Variants in SLX9 observed in about 807,000 individuals in gnomAD.
SLX9 encodes the protein SLX9 ribosome biogenesis factor, also known as ribosome biogenesis protein SLX9 homolog.
SLX9 carries 19 observed loss-of-function variants against 20.8 expected under a neutral mutation model. The observed-to-expected ratio is 0.91, with a 90% CI of 0.64 to 1.34. The LOEUF is 1.34. Among genes scored for constraint, SLX9 ranks in the 40% most tolerant of loss-of-function variants. SLX9 has a pLI of 0.00. For synonymous variants in SLX9, 113 were observed against 137.1 expected (o/e 0.82, Z 1.23); for missense variants, 299 against 322.2 (o/e 0.93, Z 0.55).
intron 4 of SLX9, among the ~76,000 whole-genome samples, chr21:44,968,776 C>T (rs1344543816): frequency 3.6e-5 from 5 of 139,410 alleles, no homozygotes; most frequent in African/African-American, 8.4e-5. Context: ...TTTTTGGAGA[C>T]GGAGCCTTGC....
At chr21:44,970,291 T>C (rs2085119475) in intron 4 of SLX9, among the ~76,000 whole-genome samples, 2 of 152,214 alleles carry the variant, frequency 1.3e-5, no homozygotes, top group Non-Finnish European at 2.9e-5. Context: ...GACAGATGGA[T>C]GTTTAGTTTA....
chr21:44,958,477 A>G (rs61103857), intron 2 of SLX9: 12,120 of 152,346 alleles, frequency 0.08, 1,570 homozygotes, highest in African/African-American at 0.27. Context: ...TCCCCACCAC[A>G]GGGTGGGGTG....
At chr21:44,975,839 C>A (rs547427227) in intron 5 of SLX9, among the ~76,000 whole-genome samples, 2 of 152,400 alleles carry the variant, frequency 1.3e-5, no homozygotes, top group East Asian at 3.9e-4. Context: ...CCCCACTGTC[C>A]TCTGTGGCTC....
intron 2 of SLX9, among the ~76,000 whole-genome samples, chr21:44,953,426 A>C (rs955020914): frequency 3.3e-5 from 5 of 151,072 alleles, no homozygotes; most frequent in South Asian, 2.1e-4. Flanking sequence ...CAGCACAGCC[A>C]CTCCCTCGGG....
At chr21:44,954,241 C>T (rs747216374) in intron 2 of SLX9, among the ~76,000 whole-genome samples, 6 of 152,170 alleles carry the variant, frequency 3.9e-5, no homozygotes, top group Admixed American at 1.3e-4. Flanking sequence ...ATGACACTTG[C>T]AAGGCCAGAT....
chr21:44,950,236 CA>C (rs573708011), intron 2 of SLX9, among the ~76,000 whole-genome samples: 13,605 of 144,046 alleles, frequency 0.094, 1,942 homozygotes, highest in African/African-American at 0.31. Context: ...TCCAGTATCT[CA>C]AAAAAAAAAA....
chr21:44,963,622 CT>C (rs747560106), intron 3 of SLX9, among the ~76,000 whole-genome samples: 3 of 151,932 alleles, frequency 2.0e-5, no homozygotes, highest in Admixed American at 6.5e-5. Flanking sequence ...TTTTTTCCCC[CT>C]AATATGGATA....
At chr21:44,946,746 C>T (rs1443002311) in intron 2 of SLX9, among the ~76,000 whole-genome samples, 1 of 152,238 alleles carries the variant, frequency 6.6e-6, no homozygotes, top group African/African-American at 2.4e-5. Context: ...TGGCTCTCAG[C>T]CCAGGGTTCT....
At chr21:44,975,736 G>A (rs1281791133) in intron 5 of SLX9, among the ~76,000 whole-genome samples, 1 of 152,258 alleles carries the variant, frequency 6.6e-6, no homozygotes, top group Non-Finnish European at 1.5e-5. Flanking sequence ...AGCCCCAGCT[G>A]CCATGCTGGG....
At chr21:44,960,030 C>T in intron 2 of SLX9, 70 bp from the exon 3 acceptor site, 2 of 1,393,800 alleles carry the variant, frequency 1.4e-6, no homozygotes, top group South Asian at 2.3e-5. Context: ...GGACCCGCCC[C>T]AGCCCATTCT....
intron 2 of SLX9, among the ~76,000 whole-genome samples, chr21:44,959,474 C>T (rs4818749): frequency 0.14 from 21,905 of 152,218 alleles, 1,692 homozygotes; most frequent in Admixed American, 0.21. Context: ...GCCCCTGTCC[C>T]CCCAGCAAAT....
intron 2 of SLX9, among the ~76,000 whole-genome samples, chr21:44,945,229 T>G (rs1428873224): frequency 6.6e-6 from 1 of 152,200 alleles, no homozygotes; most frequent in East Asian, 1.9e-4. Context: ...TTCCTGCTCC[T>G]TCTCTCCAAG....
At chr21:44,943,576 G>C in intron 1 of SLX9, 108 bp from the exon 2 acceptor site, 1 of 1,437,712 alleles carries the variant, frequency 7.0e-7, no homozygotes, top group Non-Finnish European at 9.5e-7. Context: ...AGAAGCTGGG[G>C]AATCCAGGTT....
At chr21:44,959,979 A>G (rs1035269526) in intron 2 of SLX9, 121 bp from the exon 3 acceptor site, 16 of 840,992 alleles carry the variant, frequency 1.9e-5, no homozygotes, top group Admixed American at 1.2e-4. Flanking sequence ...AGGCTGGCAC[A>G]GGCCAGACCA....
At chr21:44,967,364 G>C (rs1037914579) in intron 4 of SLX9, among the ~76,000 whole-genome samples, 183 bp downstream of exon 4, 7 of 152,206 alleles carry the variant, frequency 4.6e-5, no homozygotes, top group Non-Finnish European at 1.0e-4. Flanking sequence ...CGTGAGGCCC[G>C]TGGGGGCTGT....
At chr21:44,962,663 C>T (rs1000650725) in intron 3 of SLX9, among the ~76,000 whole-genome samples, 2 of 152,062 alleles carry the variant, frequency 1.3e-5, no homozygotes, top group Non-Finnish European at 2.9e-5. Flanking sequence ...GACATGTTTT[C>T]GTTTCTCTTG....
At chr21:44,959,884 G>A (rs570674504) in intron 2 of SLX9, among the ~76,000 whole-genome samples, 1 of 152,332 alleles carries the variant, frequency 6.6e-6, no homozygotes, top group Admixed American at 6.5e-5. Context: ...ATCACTGCGG[G>A]GGGACGCTGC....
intron 5 of SLX9, among the ~76,000 whole-genome samples, chr21:44,975,874 C>T (rs1335974021): frequency 1.3e-5 from 2 of 152,244 alleles, no homozygotes; most frequent in Non-Finnish European, 2.9e-5. Flanking sequence ...CCCGCCCAGG[C>T]GGTCGTCCAG....
chr21:44,947,972 G>A (rs1306541495), intron 2 of SLX9, among the ~76,000 whole-genome samples: 4 of 152,244 alleles, frequency 2.6e-5, no homozygotes, highest in Non-Finnish European at 4.4e-5. Context: ...TGGCAGAGCC[G>A]GGGTGAGCAC....
Sources: gnomAD v4.1 joint callset for allele counts (sites outside exome capture counted in the v4.1 genomes callset) on GRCh38, gnomAD v4.1.1 for gene constraint, MANE v1.5 for transcripts, NCBI Gene and HGNC (gene_info 2026-07-23, HGNC 2026-07-21) for gene names.